Variants in KAZN observed in about 807,000 individuals in gnomAD.
The protein encoded by KAZN is kazrin, periplakin interacting protein, also known as kazrin.
A neutral mutation model predicts 87.4 loss-of-function variants in KAZN; 40 were observed. That is an observed-to-expected ratio of 0.46 (90% CI 0.36 to 0.60). KAZN has a LOEUF of 0.60. Among genes scored for constraint, KAZN ranks in the 20% least tolerant of loss-of-function variants. KAZN has a pLI of 0.00. For synonymous variants in KAZN, 466 were observed against 458.3 expected (o/e 1.02, Z -0.22); for missense variants, 898 against 1,073.9 (o/e 0.84, Z 2.29).
intron 1 of KAZN, among the ~76,000 whole-genome samples, chr1:14,865,859 C>T (rs1651396852): frequency 1.3e-5 from 2 of 152,108 alleles, no homozygotes; most frequent in Non-Finnish European, 2.9e-5. Flanking sequence ...GCCGTGGGAC[C>T]ACAGAGGCAG....
At chr1:13,968,818 C>G (rs1642034714) in intron 1 of KAZN, among the ~76,000 whole-genome samples, 1 of 151,776 alleles carries the variant, frequency 6.6e-6, no homozygotes, top group Non-Finnish European at 1.5e-5. Context: ...ACTCTACATT[C>G]TGTCTCTCCA....
At chr1:14,768,994 T>C (rs1026284934) in intron 1 of KAZN, among the ~76,000 whole-genome samples, 6 of 152,228 alleles carry the variant, frequency 3.9e-5, no homozygotes, top group African/African-American at 1.4e-4. Flanking sequence ...CCCTAGAGCA[T>C]TGCAGAATTC....
chr1:14,931,868 G>A (rs1008646433), intron 1 of KAZN, among the ~76,000 whole-genome samples: 1 of 152,208 alleles, frequency 6.6e-6, no homozygotes, highest in Non-Finnish European at 1.5e-5. Flanking sequence ...CAGTCAGGTA[G>A]ATGGACATCT....
At chr1:14,896,173 G>A (rs1655254283) in intron 1 of KAZN, among the ~76,000 whole-genome samples, 1 of 151,228 alleles carries the variant, frequency 6.6e-6, no homozygotes, top group Non-Finnish European at 1.5e-5. Flanking sequence ...TCCTGCCTCA[G>A]CCTCCCGAGT....
chr1:15,004,177 G>A (rs1044050991), intron 2 of KAZN, among the ~76,000 whole-genome samples: 1 of 152,148 alleles, frequency 6.6e-6, no homozygotes, highest in African/African-American at 2.4e-5. Context: ...AGAACGTCCT[G>A]TATTTCATAA....
At chr1:14,206,487 C>A (rs1303032307) in intron 2 of KAZN, among the ~76,000 whole-genome samples, 2 of 152,000 alleles carry the variant, frequency 1.3e-5, no homozygotes, top group Non-Finnish European at 2.9e-5. Context: ...TTGTTGTAGC[C>A]TCCCTCTCTC....
At chr1:14,318,348 T>C (rs138730589) in intron 2 of KAZN, among the ~76,000 whole-genome samples, 6 of 152,236 alleles carry the variant, frequency 3.9e-5, no homozygotes, top group Non-Finnish European at 5.9e-5. Context: ...TAACTGTTTT[T>C]CTTTCTGCTC....
At chr1:14,291,230 G>A (rs1293643300) in intron 2 of KAZN, among the ~76,000 whole-genome samples, 2 of 152,224 alleles carry the variant, frequency 1.3e-5, no homozygotes, top group Non-Finnish European at 2.9e-5. Context: ...TGTCAGACAG[G>A]GATGTTTAAG....
chr1:14,599,202 A>C lies in KAZN; in HGVS notation c.205A>C (p.Asn69His), dbSNP rs766657455. 1 of 1,404,174 alleles carries C rather than the reference A, an allele frequency of 7.1e-7. No individual in the cohort carries two copies. Among genetic ancestry groups the C allele is most frequent in the Non-Finnish European group, 9.2e-7 (1 of 1,081,266 alleles). The allele number at this position is 1,404,174 out of a possible 1,614,324, so 87.0% of individuals were successfully genotyped here. A position where few individuals can be genotyped will look rare whatever the true frequency, so the allele number is the denominator to read the frequency against. The change falls in exon 1 of 15, where the codon AAC (asparagine) becomes CAC (histidine). Residue 69 changes from asparagine to histidine, a missense_variant. This residue lies in a region of KAZN where 250 missense variants were observed against 263.0 expected (regional missense o/e 0.95). Transcript: ENST00000376030. This position sits in a 1 kb window ranked among gnomAD's most constrained non-coding sequence, Gnocchi z 4.4. ...GGACTCGGCGGCGACGAACATGGAG[A>C]ACCCCCAGCTTGGAGCGCAAGGTAG... Reference protein sequence around the residue: ...AGDSAATNMENPQLGAQVLLR... With the variant: ...AGDSAATNMEHPQLGAQVLLR...
In KAZN at chr1:13,928,892, C is replaced by T. The variant is rs191179046; in HGVS notation, c.91+35136C>T. Among the ~76,000 whole-genome samples the T allele has an allele frequency of 5.3e-4, 80 of 151,164 alleles. 1 individual carries two copies. The highest frequency in any genetic ancestry group is 1.7e-3 in the African/African-American group (68 of 41,158). Reference sequence around the variant, plus strand: ...TCTAATTTTGGAGAAAGAGCTCTAACAGGCGATAGATTCTAATCTTTGTTG... The same window carrying T: ...TCTAATTTTGGAGAAAGAGCTCTAATAGGCGATAGATTCTAATCTTTGTTG... On this transcript the variant is annotated intron_variant, in intron 1 of 16. Transcript: ENST00000636203.
chr1:14,027,265 G>A (rs1483049780), intron 1 of KAZN, among the ~76,000 whole-genome samples: 1 of 152,038 alleles, frequency 6.6e-6, no homozygotes, highest in Non-Finnish European at 1.5e-5. Context: ...GGAATCCTTT[G>A]CCCACTGCTC....
rs992891987 is a variant in KAZN at position 15,000,541 on chromosome 1, A to T, written c.419-34208A>T. Among the ~76,000 whole-genome samples the T allele has an allele frequency of 5.3e-5, 8 of 151,560 alleles. 1 individual carries two copies. The highest frequency in any genetic ancestry group is 2.0e-4 in the African/African-American group (8 of 40,974). The stretch of plus-strand genomic sequence containing the variant: ...GTACAGAGGGTGTCGTGAGAGAGCC[A>T]CTCCAACCTGTAGCCAAATGCTGCC... On this transcript the variant is annotated intron_variant, in intron 2 of 14. Transcript: ENST00000376030.
At chr1:14,377,402 T>A (rs1462527826) in intron 2 of KAZN, among the ~76,000 whole-genome samples, 1 of 152,224 alleles carries the variant, frequency 6.6e-6, no homozygotes, top group Non-Finnish European at 1.5e-5. Flanking sequence ...ATTGGTCTCA[T>A]TCGCCTTTAG....
intron 1 of KAZN, among the ~76,000 whole-genome samples, chr1:13,989,315 A>ATATAAAATGTG (rs1178894432): frequency 6.6e-6 from 1 of 152,104 alleles, no homozygotes; most frequent in African/African-American, 2.4e-5. Flanking sequence ...GTTGGCACCT[A>ATATAAAATGTG]CTATATAAAA....
intron 1 of KAZN, among the ~76,000 whole-genome samples, chr1:14,653,750 A>G (rs1638604033): frequency 6.6e-6 from 1 of 152,208 alleles, no homozygotes. Context: ...ATTGGTTAAG[A>G]GTGAATAAAG....
chr1:14,950,456 G>C (rs957028481), intron 1 of KAZN, among the ~76,000 whole-genome samples: 2 of 152,148 alleles, frequency 1.3e-5, no homozygotes, highest in African/African-American at 4.8e-5. Flanking sequence ...CAGCCCCACA[G>C]AGGGAGTGAC....
chr1:14,251,376 G>C (rs1255930085), intron 2 of KAZN, among the ~76,000 whole-genome samples: 1 of 152,188 alleles, frequency 6.6e-6, no homozygotes, highest in African/African-American at 2.4e-5. Flanking sequence ...TCTCCAGGAA[G>C]GCAATGTCTC....
At chr1:14,874,368 G>A (rs1557577788) in intron 1 of KAZN, among the ~76,000 whole-genome samples, 1 of 152,022 alleles carries the variant, frequency 6.6e-6, no homozygotes, top group Admixed American at 6.5e-5. Context: ...GACAGATTAA[G>A]TAAGAGGGGC....
intron 2 of KAZN, among the ~76,000 whole-genome samples, chr1:14,363,907 GTGTA>G (rs1362732213): frequency 6.6e-6 from 1 of 151,854 alleles, no homozygotes; most frequent in Admixed American, 6.6e-5. Flanking sequence ...TGTATTTTGC[GTGTA>G]TGTGTGTATG....
Sources: allele counts gnomAD v4.1 joint callset (sites outside exome capture counted in the v4.1 genomes callset), GRCh38; gene constraint gnomAD v4.1.1; regional missense constraint gnomAD v4.1.1; non-coding constraint Gnocchi (gnomAD v3.1); transcripts MANE v1.5; gene names NCBI Gene and HGNC (gene_info 2026-07-23, HGNC 2026-07-21).